The following AHCY variants were observed in gnomAD, a reference collection of about 807,000 sequenced individuals.
AHCY encodes the protein S-adenosyl-L-homocysteine hydrolase.
AHCY carries 24 observed loss-of-function variants against 45.4 expected under a neutral mutation model. The observed-to-expected ratio is 0.53, with a 90% CI of 0.38 to 0.74. The LOEUF is 0.74. Ranked by LOEUF, AHCY falls within the 30% of genes least tolerant of loss-of-function variation. The pLI, the probability that AHCY is intolerant of heterozygous loss-of-function variation, is 0.00. For synonymous variants in AHCY, 245 were observed against 235.1 expected (o/e 1.04, Z -0.39); for missense variants, 449 against 594.1 (o/e 0.76, Z 2.54).
chr20:34,260,648 T>G, the AHCY span: 3 of 1,213,920 alleles, frequency 2.5e-6, no homozygotes, highest in Non-Finnish European at 3.4e-6. Context: ...TTCTTGCTCG[T>G]TCCAGGAAAT....
chr20:34,289,200 G>A (rs2036286640), intron 8 of AHCY, among the ~76,000 whole-genome samples: 1 of 151,920 alleles, frequency 6.6e-6, no homozygotes, highest in African/African-American at 2.4e-5. Flanking sequence ...TTGAGACAGA[G>A]TCTCGCACTG....
chr20:34,300,757 T>A (rs749582863), intron 1 of AHCY, among the ~76,000 whole-genome samples: 1 of 152,232 alleles, frequency 6.6e-6, no homozygotes, highest in Non-Finnish European at 1.5e-5. Context: ...CAGATTTGTC[T>A]TTTGAAAAGA....
chr20:34,246,111 G>A, the AHCY span: 1 of 898,998 alleles, frequency 1.1e-6, no homozygotes, highest in Non-Finnish European at 1.8e-6. Flanking sequence ...AAAAATCTTT[G>A]TGCTTCTTTA....
chr20:34,270,111 G>C, the AHCY span, among the ~76,000 whole-genome samples: 2 of 152,086 alleles, frequency 1.3e-5, no homozygotes, highest in African/African-American at 4.8e-5. Context: ...AATTAGCCGG[G>C]TGTGGTGGCA....
rs561750064 is a variant in AHCY, at chr20:34,289,431, C to T, written c.972+901G>A. The stretch of plus-strand genomic sequence containing the variant: ...CTCGTGATCTGCCCACCTAGGCCTC[C>T]CAAAGTGCTGGGATTACAGGCATGA... On this transcript the variant is annotated intron_variant, in intron 8 of 9. Coordinates refer to ENST00000217426, the MANE Select transcript of AHCY (RefSeq NM_000687.4). Among the ~76,000 whole-genome samples, 6 of 151,370 alleles carry T rather than the reference C, an allele frequency of 4.0e-5. No homozygotes were observed. The East Asian group carries it at 1.2e-3, about 30-fold the overall frequency.
chr20:34,234,800 C>T, the AHCY span: 17,639 of 152,010 alleles, frequency 0.12, 1,086 homozygotes, highest in South Asian at 0.19. Context: ...GGTGACAGAG[C>T]GAGACTCAGA....
At chr20:34,299,170 C>T (rs2036687838) in intron 1 of AHCY, among the ~76,000 whole-genome samples, 1 of 152,108 alleles carries the variant, frequency 6.6e-6, no homozygotes, top group South Asian at 2.1e-4. Flanking sequence ...GGGAGAGACC[C>T]ACCGACCCTA....
chr20:34,260,492 T>A, the AHCY span: 2 of 1,613,910 alleles, frequency 1.2e-6, no homozygotes, highest in Admixed American at 3.3e-5. Context: ...GAGAAGCAAC[T>A]CCTCTGTGAA....
At chr20:34,303,198 G>T in intron 1 of AHCY, 45 bp downstream of exon 1, 1 of 1,550,598 alleles carries the variant, frequency 6.4e-7, no homozygotes, top group Non-Finnish European at 8.7e-7. Context: ...CAAGCCCCGG[G>T]CGGGTGCCGG....
At chr20:34,249,716 G>A in the AHCY span, among the ~76,000 whole-genome samples, 1 of 152,014 alleles carries the variant, frequency 6.6e-6, no homozygotes, top group Non-Finnish European at 1.5e-5. Context: ...TTAGTTACTT[G>A]TCTCTCTTCC....
At chr20:34,271,933 T>C in the AHCY span, among the ~76,000 whole-genome samples, 1 of 151,974 alleles carries the variant, frequency 6.6e-6, no homozygotes, top group Non-Finnish European at 1.5e-5. Flanking sequence ...GTCAGAGTAT[T>C]TTAGGTGCAA....
chr20:34,303,127 G>A, intron 1 of AHCY, 116 bp downstream of exon 1: 4 of 1,505,474 alleles, frequency 2.7e-6, no homozygotes, highest in South Asian at 1.2e-5. Flanking sequence ...GAAACGCGCC[G>A]AGGCTGCGAT....
At chr20:34,256,537 A>G in the AHCY span, among the ~76,000 whole-genome samples, 1 of 152,158 alleles carries the variant, frequency 6.6e-6, no homozygotes, top group Non-Finnish European at 1.5e-5. Context: ...TCCTAAGATC[A>G]AGGAATCCTC....
the AHCY span, among the ~76,000 whole-genome samples, chr20:34,234,502 C>CTCCT: frequency 6.0e-4 from 91 of 151,206 alleles, no homozygotes; most frequent in East Asian, 1.2e-3. Context: ...CTTTTCTTTT[C>CTCCT]TCCTTCCTTC....
At position 34,285,568 on chromosome 20, in the gene AHCY, G is replaced by A. The variant is rs766734906; in HGVS notation, c.1039C>T (p.Leu347=). Residue 347 remains leucine (L), a synonymous_variant, in exon 9 of 10, where the codon CTG becomes TTG. Coordinates refer to ENST00000217426, the MANE Select transcript of AHCY (RefSeq NM_000687.4). ...CTGGGGTGGCCCATGGCACAACCCA[G>A]GTTGACCAGCCGACCCTCGGCCAGC... is the stretch of plus-strand genomic sequence containing the variant. The part of the protein sequence containing the change: ...ILLAEGRLVN[L]GCAMGHPSFV... The A allele has an allele frequency of 2.5e-6, 4 of 1,614,178 alleles. No homozygotes were observed. In the South Asian group the frequency reaches 3.3e-5, roughly 13 times the overall value.
upstream of AHCY, among the ~76,000 whole-genome samples, chr20:34,304,077 C>A (rs556288096): frequency 6.6e-6 from 1 of 152,204 alleles, no homozygotes; most frequent in Non-Finnish European, 1.5e-5. Context: ...CTCCAAGTAA[C>A]CAACACCCTG....
chr20:34,293,404 T>A (rs2036466953), intron 3 of AHCY: 1 of 158,260 alleles, frequency 6.3e-6, no homozygotes, highest in African/African-American at 2.4e-5. Context: ...AGAATTGCAG[T>A]GAGCCAAGAT....
chr20:34,291,956 A>C (rs1200372310), intron 4 of AHCY, among the ~76,000 whole-genome samples: 1 of 152,220 alleles, frequency 6.6e-6, no homozygotes, highest in Non-Finnish European at 1.5e-5. Context: ...AGGCCCTGAC[A>C]CATCTGGTCT....
chr20:34,303,449 G>T (rs1568818391), upstream of AHCY: 7 of 893,346 alleles, frequency 7.8e-6, no homozygotes, highest in Non-Finnish European at 1.2e-5. Flanking sequence ...GGCGGAGCCG[G>T]AGGGGATTTC....
Sources: allele counts gnomAD v4.1 joint callset (sites outside exome capture counted in the v4.1 genomes callset), GRCh38; gene constraint gnomAD v4.1.1; transcripts MANE v1.5; gene names NCBI Gene and HGNC (gene_info 2026-07-23, HGNC 2026-07-21).